NAV3: variants seen among roughly 807,000 people sequenced by gnomAD.
The protein encoded by NAV3 is pore membrane and/or filament interacting like protein 1.
A neutral mutation model predicts 244.7 loss-of-function variants in NAV3; 87 were observed. The ratio of observed to expected loss-of-function variants is 0.36; its 90% confidence interval spans 0.30 to 0.42. The LOEUF (loss-of-function observed/expected upper bound fraction) is 0.42. Among genes scored for constraint, NAV3 ranks in the 20% least tolerant of loss-of-function variants. NAV3 has a pLI of 1.00. For synonymous variants in NAV3, 1,126 were observed against 1,042.2 expected, an observed-to-expected ratio of 1.08 and a Z score of -1.55; for missense variants, 2,663 against 2,893.3, an observed-to-expected ratio of 0.92 and a Z score of 1.83.
At chr12:78,179,132 T>C (rs920249416) in intron 28 of NAV3, among the ~76,000 whole-genome samples, 2 of 152,120 alleles carry the variant, frequency 1.3e-5, no homozygotes, top group African/African-American at 4.8e-5. Context: ...ATTTTAAGAA[T>C]GTAATAACTG....
chr12:77,744,361 C>G (rs1565795361), intron 2 of NAV3, among the ~76,000 whole-genome samples: 1 of 151,872 alleles, frequency 6.6e-6, no homozygotes, highest in Non-Finnish European at 1.5e-5. Flanking sequence ...AATTGAAAAG[C>G]TTTTATTTAT....
intron 5 of NAV3, among the ~76,000 whole-genome samples, chr12:77,994,423 T>C (rs757967059): frequency 7.9e-5 from 12 of 152,254 alleles, no homozygotes; most frequent in Non-Finnish European, 1.3e-4. Flanking sequence ...TTAAACTTTT[T>C]AAGAAAGTGA....
chr12:78,200,219 A>G (rs1594026381), intron 37 of NAV3, among the ~76,000 whole-genome samples: 1 of 152,180 alleles, frequency 6.6e-6, no homozygotes, highest in African/African-American at 2.4e-5. Flanking sequence ...AAACAGGATA[A>G]CTGCATTATG....
chr12:77,766,422 C>A (rs544734029), intron 2 of NAV3, among the ~76,000 whole-genome samples: 2 of 152,312 alleles, frequency 1.3e-5, no homozygotes, highest in South Asian at 2.1e-4. Context: ...TTGGCTCACA[C>A]TTTCTCTAGT....
rs2136602943 is a variant in NAV3, at chr12:78,007,437, C to G, written c.1899C>G (p.Phe633Leu). The G allele has an allele frequency of 6.2e-7, 1 of 1,612,822 alleles. No individual in the cohort carries two copies. Among genetic ancestry groups the G allele is most frequent in the Non-Finnish European group, 8.5e-7 (1 of 1,179,316 alleles). Residue 633 changes from phenylalanine (F) to leucine (L), a missense_variant, in exon 8 of 40, where the codon TTC becomes TTG. This residue lies in a region of NAV3 where 1,521 missense variants were observed against 1,497.0 expected (regional missense o/e 1.02). Transcript: ENST00000397909. ...SHPNTATVAP[F>L]IYRAHSENEG... ...CGAATACCGCGACAGTGGCACCATT[C>G]ATTTACAGGTAAGGTGGCCTCTGTT...
chr12:78,084,388 T>C (rs73143934), intron 12 of NAV3, among the ~76,000 whole-genome samples: 17,716 of 152,166 alleles, frequency 0.12, 1,081 homozygotes, highest in Middle Eastern at 0.14. Flanking sequence ...AGGCACTGGA[T>C]CCCATTCCCT....
chr12:77,825,674 G>A (rs1949591), intron 2 of NAV3, among the ~76,000 whole-genome samples: 23,181 of 151,912 alleles, frequency 0.15, 4,060 homozygotes, highest in African/African-American at 0.43. Flanking sequence ...TTAGCACAAA[G>A]GGACATTTAG....
chr12:78,146,313 G>A lies in NAV3; in HGVS notation c.4684-56G>A, dbSNP rs536152186. The A allele has an allele frequency of 9.8e-6, 7 of 713,024 alleles. No individual in the cohort carries two copies. The South Asian group carries it at 2.0e-4, about 20-fold the overall frequency. 44.2% of individuals were successfully genotyped at this position (713,024 alleles called of 1,614,324 possible). A position where few individuals can be genotyped will look rare whatever the true frequency, so the allele number is the denominator to read the frequency against. On this transcript the variant is annotated intron_variant, in intron 20 of 39. Transcript: ENST00000397909. ...GATTATTGTATTCATTTATACTTGT[G>A]GAATTAATTGAAAATAGTTTTTATA... is the stretch of plus-strand genomic sequence containing the variant.
At chr12:77,698,272 G>T (rs1266236897) in intron 2 of NAV3, among the ~76,000 whole-genome samples, 2 of 152,078 alleles carry the variant, frequency 1.3e-5, no homozygotes, top group African/African-American at 4.8e-5. Flanking sequence ...TTTTGGCTTT[G>T]GGAGGCCCAG....
chr12:77,993,684 T>A (rs1009288305), intron 5 of NAV3, among the ~76,000 whole-genome samples: 15 of 138,666 alleles, frequency 1.1e-4, no homozygotes, highest in African/African-American at 4.2e-4. Flanking sequence ...CACATCATCA[T>A]CCTAAGTAAT....
chr12:78,043,099 A>C (rs1454658381), intron 9 of NAV3, among the ~76,000 whole-genome samples: 1 of 151,626 alleles, frequency 6.6e-6, no homozygotes, highest in East Asian at 1.9e-4. Flanking sequence ...CCCACCCACC[A>C]ACAGGCCCCG....
chr12:77,617,123 C>T lies in NAV3; in HGVS notation c.72+44857C>T, dbSNP rs528244966. The stretch of plus-strand genomic sequence containing the variant: ...TCACATGTATTGGAAGCTCTTTGGA[C>T]GGCTGAATATTGTTTTGCTAGGGTA... On this transcript the variant is annotated intron_variant, in intron 2 of 8. Coordinates refer to the NAV3 transcript ENST00000550042. Among the ~76,000 whole-genome samples, 81 of 152,194 alleles carry T rather than the reference C, an allele frequency of 5.3e-4. 1 individual carries two copies. The highest frequency in any genetic ancestry group is 1.2e-3 in the Admixed American group (18 of 15,286).
At chr12:77,791,025 A>T (rs568995287) in intron 2 of NAV3, among the ~76,000 whole-genome samples, 8 of 152,248 alleles carry the variant, frequency 5.3e-5, no homozygotes, top group African/African-American at 1.9e-4. Flanking sequence ...CTTGATCTCA[A>T]GTTGGTGCTT....
intron 12 of NAV3, among the ~76,000 whole-genome samples, chr12:78,060,424 A>G (rs1190385344): frequency 1.3e-5 from 2 of 149,394 alleles, no homozygotes; most frequent in Admixed American, 1.3e-4. Context: ...TCTGTATCCT[A>G]CTCTCCTAGC....
At chr12:77,692,265 C>T (rs1016434081) in intron 2 of NAV3, among the ~76,000 whole-genome samples, 2 of 151,936 alleles carry the variant, frequency 1.3e-5, no homozygotes, top group Non-Finnish European at 2.9e-5. Context: ...CATGAGGAAT[C>T]CATAATAAAA....
intron 8 of NAV3, among the ~76,000 whole-genome samples, chr12:78,016,037 T>G (rs1446495538): frequency 6.6e-6 from 1 of 152,142 alleles, no homozygotes; most frequent in Non-Finnish European, 1.5e-5. Context: ...CTGTGTCTCC[T>G]TTCCAACTGC....
intron 8 of NAV3, among the ~76,000 whole-genome samples, chr12:78,008,793 C>T (rs969360801): frequency 6.6e-6 from 1 of 152,026 alleles, no homozygotes; most frequent in Non-Finnish European, 1.5e-5. Flanking sequence ...TTCAATAGTA[C>T]TAACTCATTT....
chr12:77,633,652 G>A (rs696462), intron 2 of NAV3, among the ~76,000 whole-genome samples: 5,025 of 152,222 alleles, frequency 0.033, 87 homozygotes, highest in Middle Eastern at 0.048. Flanking sequence ...TTTTATGTTA[G>A]CAGTGAAGTT....
intron 12 of NAV3, among the ~76,000 whole-genome samples, chr12:78,084,188 A>G (rs1313913230): frequency 2.0e-5 from 3 of 152,102 alleles, no homozygotes; most frequent in Non-Finnish European, 4.4e-5. Flanking sequence ...TTCTCCTCAA[A>G]TTTCCAGTCT....
Sources: gnomAD v4.1 joint callset for allele counts (sites outside exome capture counted in the v4.1 genomes callset) on GRCh38, gnomAD v4.1.1 for gene constraint, gnomAD v4.1.1 regional missense constraint, MANE v1.5 for transcripts, NCBI Gene and HGNC (gene_info 2026-07-23, HGNC 2026-07-21) for gene names.